The following ERBB2 variants were observed in gnomAD, a reference collection of about 807,000 sequenced individuals.
ERBB2 encodes erb-b2 receptor tyrosine kinase 2, also known as receptor tyrosine-protein kinase erbB-2.
In ERBB2, 61 loss-of-function variants were observed where a neutral mutation model predicts 149.0. That is an observed-to-expected ratio of 0.41 (90% CI 0.33 to 0.51). The LOEUF is 0.51. ERBB2 is among the 20% of genes least tolerant of loss of function. The probability of loss-of-function intolerance (pLI) is 0.25; values close to 1 mark genes in which losing one functional copy is unlikely to be tolerated. For missense variants in ERBB2, 1,205 were observed against 1,655.1 expected (o/e 0.73, Z 4.72); for synonymous variants, 633 against 678.8 (o/e 0.93, Z 1.05).
intron 7 of ERBB2, among the ~76,000 whole-genome samples, chr17:39,710,962 C>T (rs985124806): frequency 6.6e-6 from 1 of 152,220 alleles, no homozygotes; most frequent in Non-Finnish European, 1.5e-5. Flanking sequence ...CGCAGTGGCG[C>T]GATCTCGGCT....
At position 39,727,584 on chromosome 17, in the gene ERBB2, A is replaced by T. The variant is rs974280734; in HGVS notation, c.3412+37A>T. 3 of 1,581,916 alleles carry T rather than the reference A, an allele frequency of 1.9e-6. No homozygotes were observed. The highest frequency in any genetic ancestry group is 2.6e-6 in the Non-Finnish European group (3 of 1,171,244). On this transcript the variant is annotated intron_variant, in intron 26 of 26. Coordinates refer to ENST00000269571, the MANE Select transcript of ERBB2 (RefSeq NM_004448.4). This position sits in a 1 kb window ranked among gnomAD's most constrained non-coding sequence, Gnocchi z 4.3. Reference sequence around the variant, plus strand: ...AGTCTAAGCAGAGAGACTGATGGGCAGGGGAGGTGGGACCTTCAGCCCAGG... The same window carrying T: ...AGTCTAAGCAGAGAGACTGATGGGCTGGGGAGGTGGGACCTTCAGCCCAGG...
At chr17:39,720,662 T>A (rs1445814433) in intron 16 of ERBB2, among the ~76,000 whole-genome samples, 1 of 152,154 alleles carries the variant, frequency 6.6e-6, no homozygotes, top group Non-Finnish European at 1.5e-5. Flanking sequence ...CTTTTTTTTA[T>A]TTTTTTGAGA....
rs376474108 is a variant in ERBB2, at chr17:39,704,082, C to T, written c.74-2908C>T. Among the ~76,000 whole-genome samples, 7 of 152,322 alleles carry T rather than the reference C, an allele frequency of 4.6e-5. No individual in the cohort carries two copies. In the East Asian group the frequency reaches 9.6e-4, roughly 21 times the overall value. On this transcript the variant is annotated intron_variant, in intron 1 of 26. Transcript: ENST00000269571. ...ATGGATTCCATGACCTCAACTGGTC[C>T]CTTTTGTTCGGAGACTCGTGACTGG...
chr17:39,697,112 G>A (rs1271890617), upstream of ERBB2, among the ~76,000 whole-genome samples: 3 of 152,052 alleles, frequency 2.0e-5, no homozygotes, highest in East Asian at 5.8e-4. Context: ...AAGACATCCT[G>A]GGCAAATTGC....
At chr17:39,704,741 A>G (rs118036166) in intron 1 of ERBB2, among the ~76,000 whole-genome samples, 1,987 of 151,936 alleles carry the variant, frequency 0.013, 25 homozygotes, top group Non-Finnish European at 0.021. Flanking sequence ...CAATTTTACC[A>G]CCTGTCTGCA....
intron 4 of ERBB2, 128 bp from the exon 5 acceptor site, chr17:39,709,665 TTGGGGGCCTCTCAGCCTGTC>T: frequency 1.1e-6 from 1 of 935,546 alleles, no homozygotes; most frequent in Non-Finnish European, 1.6e-6. Context: ...TGCCTCTGGT[TTGGGGGCCTCTCAGCCTGTC>T]TGGGTCCCTC....
At chr17:39,707,333 G>A (rs2058504081) in intron 2 of ERBB2, 192 bp downstream of exon 2, 3 of 494,344 alleles carry the variant, frequency 6.1e-6, no homozygotes, top group Admixed American at 4.2e-5. Flanking sequence ...TCTCTATAAC[G>A]TGGCTGGCCG....
chr17:39,690,980 C>T (rs796232150), upstream of ERBB2, among the ~76,000 whole-genome samples: 13 of 150,918 alleles, frequency 8.6e-5, no homozygotes, highest in South Asian at 2.7e-3. Flanking sequence ...CATGGAGAAA[C>T]TCCTGAGATC....
In ERBB2 at chr17:39,708,559, T is replaced by C. The variant is rs1434985383; in HGVS notation, c.439+25T>C. On this transcript the variant is annotated intron_variant, in intron 3 of 26. Transcript: ENST00000269571. ...GGTGGCCTTCACCGTCATTGAAACCTTCTCTTGGTTATTCAGAGCTGACCA... is the reference window on the plus strand; with the variant it reads ...GGTGGCCTTCACCGTCATTGAAACCCTCTCTTGGTTATTCAGAGCTGACCA... The C allele has an allele frequency of 9.4e-6, 15 of 1,588,856 alleles. No individual in the cohort carries two copies. The Middle Eastern group carries it at 5.0e-4, about 53-fold the overall frequency.
intron 2 of ERBB2, 198 bp downstream of exon 2, chr17:39,707,339 G>T: frequency 2.1e-6 from 1 of 478,270 alleles, no homozygotes; most frequent in Non-Finnish European, 3.6e-6. Flanking sequence ...TAACGTGGCT[G>T]GCCGAGGTCA....
chr17:39,723,825 T>A lies in ERBB2; in HGVS notation c.2209-87T>A. On this transcript the variant is annotated intron_variant, in intron 18 of 26. Transcript: ENST00000269571. The surrounding 1 kb of genome is among the most constrained non-coding windows in gnomAD (Gnocchi z 6.2). Reference sequence around the variant, plus strand: ...GGCCAAGCCCTAGGGTGGTGAAGGATGTTTGGAGGACAAGTAATGATCTCC... The same window carrying A: ...GGCCAAGCCCTAGGGTGGTGAAGGAAGTTTGGAGGACAAGTAATGATCTCC... The A allele has an allele frequency of 6.7e-7, 1 of 1,494,220 alleles. No homozygotes were observed. Among genetic ancestry groups the A allele is most frequent in the South Asian group, 1.2e-5 (1 of 85,840 alleles). 92.6% of individuals were successfully genotyped at this position (1,494,220 alleles called of 1,614,324 possible).
At chr17:39,688,951 C>A (rs2057628603) in intron 2 of ERBB2, among the ~76,000 whole-genome samples, 1 of 152,118 alleles carries the variant, frequency 6.6e-6, no homozygotes, top group Non-Finnish European at 1.5e-5. Context: ...AAATTAGGAA[C>A]CCTGGGAACA....
intron 8 of ERBB2, 93 bp downstream of exon 8, chr17:39,712,140 C>A: frequency 6.3e-7 from 1 of 1,581,780 alleles, no homozygotes; most frequent in Non-Finnish European, 8.7e-7. Context: ...CTTCCTCAGA[C>A]CCTCTTGGGA....
chr17:39,692,354 C>T (rs1280597669), upstream of ERBB2, among the ~76,000 whole-genome samples: 1 of 151,282 alleles, frequency 6.6e-6, no homozygotes, highest in African/African-American at 2.4e-5. Flanking sequence ...TAGTTCTTGC[C>T]TCTGGTGGGA....
At chr17:39,697,127 C>G (rs1004230724), upstream of ERBB2, among the ~76,000 whole-genome samples, 1 of 152,214 alleles carries the variant, frequency 6.6e-6, no homozygotes, top group South Asian at 2.1e-4. Context: ...AATTGCTTAC[C>G]TCAGTTCCCC....
chr17:39,720,613 T>A (rs187107438), intron 16 of ERBB2, among the ~76,000 whole-genome samples: 1 of 152,230 alleles, frequency 6.6e-6, no homozygotes, highest in East Asian at 1.9e-4. Flanking sequence ...GAATATTGGA[T>A]CAACACCCGG....
chr17:39,691,900 G>GATATAT (rs549310133), upstream of ERBB2, among the ~76,000 whole-genome samples: 13 of 110,776 alleles, frequency 1.2e-4, no homozygotes, highest in Admixed American at 1.1e-3. Context: ...TATAGATATA[G>GATATAT]ATATATATAC....
At position 39,715,819 on chromosome 17, in the gene ERBB2, C is replaced by T. The variant is rs2145654793; in HGVS notation, c.1393C>T (p.Leu465=). 1 of 1,611,360 alleles carries T rather than the reference C, an allele frequency of 6.2e-7. No individual in the cohort carries two copies. Among genetic ancestry groups the T allele is most frequent in the Non-Finnish European group, 8.5e-7 (1 of 1,180,008 alleles). ...LRSLRELGSG[L]ALIHHNTHLC... ...CTCACTGAGGGAACTGGGCAGTGGA[C>T]TGGCCCTCATCCACCATAACACCCA... is the stretch of plus-strand genomic sequence containing the variant. Residue 465 remains leucine (L), a synonymous_variant, in exon 12 of 27, where the codon CTG becomes TTG. Transcript: ENST00000269571.
Position 39,688,321 on chromosome 17 carries a change from C to T in ERBB2, c.-382+43C>T, listed in dbSNP as rs563807833. On this transcript the variant is annotated intron_variant, in intron 1 of 17. Coordinates refer to the ERBB2 transcript ENST00000578199. Reference sequence around the variant, plus strand: ...CACCACCCCTGTCGGATTTTACTTCCTAAACGTACCTGTAACTATCCACTT... The same window carrying T: ...CACCACCCCTGTCGGATTTTACTTCTTAAACGTACCTGTAACTATCCACTT... The T allele has an allele frequency of 1.3e-3, 345 of 270,532 alleles. 1 individual carries two copies. Among genetic ancestry groups the T allele is most frequent in the African/African-American group, 7.3e-3 (333 of 45,844 alleles). 16.8% of individuals were successfully genotyped at this position (270,532 alleles called of 1,614,324 possible). A position where few individuals can be genotyped will look rare whatever the true frequency, so the allele number is the denominator to read the frequency against.
Sources: gnomAD v4.1 joint callset for allele counts (sites outside exome capture counted in the v4.1 genomes callset) on GRCh38, gnomAD v4.1.1 for gene constraint, Gnocchi (gnomAD v3.1) non-coding constraint, MANE v1.5 for transcripts, NCBI Gene and HGNC (gene_info 2026-07-23, HGNC 2026-07-21) for gene names.